The following FHOD3 variants were observed in gnomAD, a reference collection of about 807,000 sequenced individuals.
FHOD3 encodes FH1/FH2 domain-containing protein 3.
In FHOD3, 90 loss-of-function variants were observed where a neutral mutation model predicts 173.0. The ratio of observed to expected loss-of-function variants is 0.52; its 90% CI spans 0.44 to 0.62. The LOEUF (loss-of-function observed/expected upper bound fraction) is 0.62, where lower values mean the gene tolerates loss of function less well. FHOD3 is among the 20% of genes least tolerant of loss of function. The probability of loss-of-function intolerance (pLI) is 0.00; values close to 1 mark genes in which losing one functional copy is unlikely to be tolerated. For synonymous variants in FHOD3, 828 were observed against 823.0 expected (o/e 1.01, Z -0.10); for missense variants, 1,945 against 2,034.7 (o/e 0.96, Z 0.85).
chr18:36,703,771 TTCCTCATTTCTC>T (rs1215465144), intron 17 of FHOD3, among the ~76,000 whole-genome samples: 1 of 152,148 alleles, frequency 6.6e-6, no homozygotes, highest in Non-Finnish European at 1.5e-5. Flanking sequence ...GGCCGGCTCG[TTCCTCATTTCTC>T]TCCTCATTTT....
At chr18:36,462,325 TTTGG>T (rs1306045034) in intron 3 of FHOD3, among the ~76,000 whole-genome samples, 11 of 151,920 alleles carry the variant, frequency 7.2e-5, no homozygotes, top group South Asian at 2.1e-4. Flanking sequence ...TGTTTTGCTT[TTTGG>T]TTGGTTGGTT....
chr18:36,302,484 A>C (rs2091979851), intron 1 of FHOD3, among the ~76,000 whole-genome samples: 1 of 152,084 alleles, frequency 6.6e-6, no homozygotes, highest in African/African-American at 2.4e-5. Flanking sequence ...CATGGATTAC[A>C]GGTGATTTAG....
At chr18:36,632,817 A>G (rs1302244883) in intron 10 of FHOD3, among the ~76,000 whole-genome samples, 1 of 152,212 alleles carries the variant, frequency 6.6e-6, no homozygotes, top group African/African-American at 2.4e-5. Flanking sequence ...TCCTTGAAGG[A>G]AAGAATTTGT....
At chr18:36,685,811 A>C (rs1167456185) in intron 15 of FHOD3, among the ~76,000 whole-genome samples, 1 of 152,268 alleles carries the variant, frequency 6.6e-6, no homozygotes, top group Non-Finnish European at 1.5e-5. Flanking sequence ...GACTAACCAC[A>C]TAGTCTTAAA....
chr18:36,306,355 T>C (rs936565553), intron 1 of FHOD3, among the ~76,000 whole-genome samples: 1 of 152,204 alleles, frequency 6.6e-6, no homozygotes, highest in African/African-American at 2.4e-5. Flanking sequence ...TGTGCTGACA[T>C]TGCACTGTCT....
chr18:36,655,009 G>A lies in FHOD3; in HGVS notation c.1721+1593G>A, dbSNP rs115352015. Among the ~76,000 whole-genome samples, 727 of 149,628 alleles carry A rather than the reference G, an allele frequency of 4.9e-3. 4 individuals carry two copies. The highest frequency in any genetic ancestry group is 0.016 in the African/African-American group (653 of 40,860). ...TTCCTCTGATTTCCAGAATGGCTTT[G>A]TATACCTCCAGGAGTTGTGAACTGA... On this transcript the variant is annotated intron_variant, in intron 13 of 28. Coordinates refer to ENST00000590592, the MANE Select transcript of FHOD3 (RefSeq NM_001281740.3).
intron 2 of FHOD3, among the ~76,000 whole-genome samples, chr18:36,370,636 A>G (rs2047135267): frequency 6.6e-6 from 1 of 152,122 alleles, no homozygotes; most frequent in African/African-American, 2.4e-5. Flanking sequence ...GCATTCTGAA[A>G]TGTCTTCCCT....
At chr18:36,594,189 T>C (rs2029902432) in intron 6 of FHOD3, among the ~76,000 whole-genome samples, 1 of 152,102 alleles carries the variant, frequency 6.6e-6, no homozygotes, top group Non-Finnish European at 1.5e-5. Flanking sequence ...GGCTTCTGCC[T>C]GTGTGAGGGA....
At chr18:36,450,459 A>ATTTT (rs1316296981) in intron 3 of FHOD3, among the ~76,000 whole-genome samples, 1 of 132,640 alleles carries the variant, frequency 7.5e-6, no homozygotes, top group Non-Finnish European at 1.5e-5. Flanking sequence ...TTATTTATTT[A>ATTTT]TTTATTTATT....
chr18:36,720,996 A>G (rs2040755788), intron 19 of FHOD3, among the ~76,000 whole-genome samples: 1 of 152,054 alleles, frequency 6.6e-6, no homozygotes, highest in Non-Finnish European at 1.5e-5. Flanking sequence ...CCCAAAATTA[A>G]TGCTTCACCT....
At chr18:36,359,612 C>T (rs887772233) in intron 2 of FHOD3, among the ~76,000 whole-genome samples, 3 of 151,776 alleles carry the variant, frequency 2.0e-5, no homozygotes, top group African/African-American at 7.2e-5. Context: ...GAAAATATGG[C>T]CCAATCCCAT....
intron 28 of FHOD3, among the ~76,000 whole-genome samples, chr18:36,770,229 C>T (rs2043318320): frequency 6.6e-6 from 1 of 152,214 alleles, no homozygotes; most frequent in Non-Finnish European, 1.5e-5. Flanking sequence ...ACTGGCTTTG[C>T]CTCTGAGAAT....
chr18:36,328,537 G>A (rs544710270), intron 1 of FHOD3, among the ~76,000 whole-genome samples: 2 of 152,278 alleles, frequency 1.3e-5, no homozygotes, highest in East Asian at 3.9e-4. Context: ...CTTACTGGGG[G>A]CAGTCACAGG....
intron 9 of FHOD3, among the ~76,000 whole-genome samples, chr18:36,618,079 C>CT (rs1315067094): frequency 5.4e-5 from 8 of 149,230 alleles, no homozygotes; most frequent in Non-Finnish European, 8.9e-5. Context: ...AATGGTTTGT[C>CT]TATTTTGTTG....
At chr18:36,729,925 T>C (rs983107340) in intron 19 of FHOD3, among the ~76,000 whole-genome samples, 2 of 152,164 alleles carry the variant, frequency 1.3e-5, no homozygotes, top group African/African-American at 4.8e-5. Flanking sequence ...TAAAAGGGCT[T>C]TGAGAATGCC....
chr18:36,556,970 C>A (rs887997455), intron 5 of FHOD3, among the ~76,000 whole-genome samples: 3 of 152,078 alleles, frequency 2.0e-5, no homozygotes, highest in East Asian at 1.9e-4. Flanking sequence ...GGTTTTTTCT[C>A]CAGCGCTGTA....
At chr18:36,641,749 A>G (rs542176112) in intron 10 of FHOD3, among the ~76,000 whole-genome samples, 1 of 152,250 alleles carries the variant, frequency 6.6e-6, no homozygotes, top group Admixed American at 6.5e-5. Context: ...TGAAGTCAGG[A>G]GTTCGAGACC....
At chr18:36,318,887 G>T (rs1450640500) in intron 1 of FHOD3, among the ~76,000 whole-genome samples, 2 of 152,148 alleles carry the variant, frequency 1.3e-5, no homozygotes, top group African/African-American at 4.8e-5. Flanking sequence ...GTTATTTTGA[G>T]ATACATTCCA....
intron 3 of FHOD3, among the ~76,000 whole-genome samples, chr18:36,474,379 G>A (rs1207889373): frequency 1.3e-5 from 2 of 152,192 alleles, no homozygotes; most frequent in Non-Finnish European, 2.9e-5. Context: ...TAAGGATTTG[G>A]ACATCAATGC....
Sources: gnomAD v4.1 joint callset for allele counts (sites outside exome capture counted in the v4.1 genomes callset) on GRCh38, gnomAD v4.1.1 for gene constraint, MANE v1.5 for transcripts, NCBI Gene and HGNC (gene_info 2026-07-23, HGNC 2026-07-21) for gene names.